Variants in SLC25A21 observed in about 807,000 individuals in gnomAD.
SLC25A21 encodes the protein mitochondrial 2-oxodicarboxylate carrier.
SLC25A21 carries 47 observed loss-of-function variants against 43.8 expected under a neutral mutation model. The ratio of observed to expected loss-of-function variants is 1.07; its 90% CI spans 0.85 to 1.37. The LOEUF (loss-of-function observed/expected upper bound fraction) is 1.37, where lower values mean the gene tolerates loss of function less well. SLC25A21 is among the 40% of genes most tolerant of loss of function. SLC25A21 has a pLI of 0.00. For missense variants in SLC25A21, 352 were observed against 350.2 expected, an observed-to-expected ratio of 1.00 and a Z score of -0.04; for synonymous variants, 131 against 121.3, an observed-to-expected ratio of 1.08 and a Z score of -0.52.
At chr14:37,106,333 ATAT>A (rs1171243306) in intron 1 of SLC25A21, among the ~76,000 whole-genome samples, 4 of 152,052 alleles carry the variant, frequency 2.6e-5, no homozygotes, top group Non-Finnish European at 5.9e-5. Flanking sequence ...CTAGCAAGTA[ATAT>A]TATTATTAAT....
intron 1 of SLC25A21, among the ~76,000 whole-genome samples, chr14:36,981,855 A>T (rs1960033031): frequency 6.6e-6 from 1 of 152,164 alleles, no homozygotes; most frequent in South Asian, 2.1e-4. Flanking sequence ...ATAAAATTAA[A>T]TTAAAAAAAT....
intron 1 of SLC25A21, among the ~76,000 whole-genome samples, chr14:37,090,260 T>A (rs1406834869): frequency 6.6e-6 from 1 of 152,236 alleles, no homozygotes; most frequent in East Asian, 1.9e-4. Flanking sequence ...TTGTAATGAT[T>A]GCTGTTGTGA....
At chr14:36,739,539 G>A (rs1229872517) in intron 3 of SLC25A21, among the ~76,000 whole-genome samples, 5 of 152,054 alleles carry the variant, frequency 3.3e-5, no homozygotes, top group Non-Finnish European at 5.9e-5. Context: ...TTAGCTGGGT[G>A]TGGTGGTGCA....
chr14:37,006,265 C>A (rs1208534341), intron 1 of SLC25A21, among the ~76,000 whole-genome samples: 2 of 152,020 alleles, frequency 1.3e-5, no homozygotes, highest in Admixed American at 1.3e-4. Context: ...CCATTGTTGT[C>A]TCATTAATAA....
At chr14:36,749,213 T>G (rs2139255795) in intron 3 of SLC25A21, among the ~76,000 whole-genome samples, 1 of 152,356 alleles carries the variant, frequency 6.6e-6, no homozygotes, top group Middle Eastern at 3.4e-3. Context: ...CTACCCTGGC[T>G]CAGGAGGCTG....
intron 1 of SLC25A21, among the ~76,000 whole-genome samples, chr14:37,079,925 T>C (rs957394866): frequency 2.0e-5 from 3 of 152,124 alleles, no homozygotes; most frequent in Non-Finnish European, 4.4e-5. Context: ...TGGAGCCTCA[T>C]GAATGGAAAG....
chr14:37,034,602 T>C (rs1961287864), intron 1 of SLC25A21, among the ~76,000 whole-genome samples: 1 of 152,176 alleles, frequency 6.6e-6, no homozygotes, highest in African/African-American at 2.4e-5. Context: ...CTGGTACATG[T>C]GGAGGTCAGC....
intron 7 of SLC25A21, among the ~76,000 whole-genome samples, chr14:36,710,862 T>C (rs1883828297): frequency 6.6e-6 from 1 of 152,226 alleles, no homozygotes; most frequent in Non-Finnish European, 1.5e-5. Flanking sequence ...TAAAAATTAA[T>C]ATCCAGGTGA....
At chr14:36,885,471 A>G (rs1890887516) in intron 1 of SLC25A21, among the ~76,000 whole-genome samples, 1 of 152,204 alleles carries the variant, frequency 6.6e-6, no homozygotes, top group African/African-American at 2.4e-5. Context: ...CACAAAGTTT[A>G]GAATTATTTT....
Position 36,678,489 on chromosome 14 carries a change from T to TGAGA in SLC25A21, c.*2165_*2168dup. On this transcript the variant is annotated 3_prime_UTR_variant, in exon 10 of 10. Transcript: ENST00000331299. ...TTGACATCTGGAGTTCCCAGTCTGGTGAGAAAATAGACTATAAACTGAATG... is the reference window on the plus strand; with the variant it reads ...TTGACATCTGGAGTTCCCAGTCTGGTGAGAGAGAAAATAGACTATAAACTGAATG... The TGAGA allele has an allele frequency of 2.6e-6, 4 of 1,535,898 alleles. No homozygotes were observed. The South Asian group carries it at 4.8e-5, about 18-fold the overall frequency.
intron 1 of SLC25A21, among the ~76,000 whole-genome samples, chr14:37,123,761 C>T (rs1249778541): frequency 6.6e-6 from 1 of 152,066 alleles, no homozygotes; most frequent in African/African-American, 2.4e-5. Flanking sequence ...TGGCTCACAC[C>T]TGTAGCCCTA....
At chr14:36,865,247 T>C (rs1170610131) in intron 2 of SLC25A21, among the ~76,000 whole-genome samples, 3 of 152,062 alleles carry the variant, frequency 2.0e-5, no homozygotes, top group Admixed American at 6.6e-5. Flanking sequence ...AAGCAGCCTC[T>C]CACCATACCC....
intron 1 of SLC25A21, among the ~76,000 whole-genome samples, chr14:36,876,330 T>C (rs1456343584): frequency 2.0e-5 from 3 of 152,204 alleles, no homozygotes; most frequent in Admixed American, 1.3e-4. Flanking sequence ...ATGCCTGCTC[T>C]AGGTTGCAAA....
intron 1 of SLC25A21, among the ~76,000 whole-genome samples, chr14:36,880,580 T>A (rs1367029): frequency 0.43 from 65,898 of 152,020 alleles, 15,679 homozygotes; most frequent in Non-Finnish European, 0.52. Context: ...GTATGCTCAA[T>A]AAGTATTTGA....
intron 1 of SLC25A21, among the ~76,000 whole-genome samples, chr14:37,136,400 A>G (rs1020784181): frequency 6.6e-6 from 1 of 152,212 alleles, no homozygotes; most frequent in Non-Finnish European, 1.5e-5. Flanking sequence ...TCCAGAATTC[A>G]GCTGTATGAA....
chr14:36,685,899 A>G (rs1259740562), intron 7 of SLC25A21, among the ~76,000 whole-genome samples: 2 of 152,164 alleles, frequency 1.3e-5, no homozygotes, highest in African/African-American at 4.8e-5. Flanking sequence ...TTCTCTGAAG[A>G]GAGGTCATAT....
At chr14:36,970,993 C>G (rs1959736490) in intron 1 of SLC25A21, among the ~76,000 whole-genome samples, 2 of 151,844 alleles carry the variant, frequency 1.3e-5, no homozygotes, top group Admixed American at 6.6e-5. Flanking sequence ...TGAATCAATC[C>G]CTGCTCATAG....
chr14:37,126,398 C>T (rs1963298026), intron 1 of SLC25A21, among the ~76,000 whole-genome samples: 1 of 151,644 alleles, frequency 6.6e-6, no homozygotes, highest in African/African-American at 2.4e-5. Flanking sequence ...AGTCAACATG[C>T]CCAGCCAATA....
chr14:37,065,781 T>C (rs554348887), intron 1 of SLC25A21, among the ~76,000 whole-genome samples: 82 of 152,302 alleles, frequency 5.4e-4, no homozygotes, highest in African/African-American at 1.9e-3. Context: ...AAAACAATTA[T>C]GCATACTATA....
Sources: allele counts gnomAD v4.1 joint callset (sites outside exome capture counted in the v4.1 genomes callset), GRCh38; gene constraint gnomAD v4.1.1; transcripts MANE v1.5; gene names NCBI Gene and HGNC (gene_info 2026-07-23, HGNC 2026-07-21).